The following PEX14 variants were observed in gnomAD, a reference collection of about 807,000 sequenced individuals.
PEX14 encodes the protein peroxisomal biogenesis factor 14.
In PEX14, 15 loss-of-function variants were observed where a neutral mutation model predicts 49.5. The ratio of observed to expected loss-of-function variants is 0.30; its 90% CI spans 0.20 to 0.47. PEX14 has a LOEUF of 0.47. Ranked by LOEUF, PEX14 falls within the 20% of genes least tolerant of loss-of-function variation. PEX14 has a pLI of 1.00. For missense variants in PEX14, 398 were observed against 494.8 expected (o/e 0.80, Z 1.86); for synonymous variants, 210 against 212.7 (o/e 0.99, Z 0.11).
At chr1:10,522,635 G>A (rs1473844894) in intron 2 of PEX14, among the ~76,000 whole-genome samples, 2 of 152,184 alleles carry the variant, frequency 1.3e-5, no homozygotes, top group Non-Finnish European at 2.9e-5. Context: ...GTACCGTGAG[G>A]ACCTGTGAAT....
intron 3 of PEX14, among the ~76,000 whole-genome samples, chr1:10,596,795 A>G (rs1054945434): frequency 6.6e-6 from 1 of 152,236 alleles, no homozygotes; most frequent in African/African-American, 2.4e-5. Flanking sequence ...GGATTCATTT[A>G]CTGTAACTAA....
chr1:10,562,396 C>G (rs1164386452), intron 3 of PEX14, among the ~76,000 whole-genome samples: 1 of 152,158 alleles, frequency 6.6e-6, no homozygotes, highest in East Asian at 1.9e-4. Context: ...ACCATCTAAT[C>G]CATGATCGTG....
intron 3 of PEX14, among the ~76,000 whole-genome samples, chr1:10,591,700 A>G (rs1640673498): frequency 6.7e-6 from 1 of 148,182 alleles, no homozygotes; most frequent in African/African-American, 2.5e-5. Flanking sequence ...CCCTTCACCT[A>G]GTTTTCCCCC....
Position 10,486,730 on chromosome 1 carries a change from C to G in PEX14, c.37-8544C>G, listed in dbSNP as rs1234508717. Among the ~76,000 whole-genome samples the G allele has an allele frequency of 3.3e-5, 5 of 151,298 alleles. No individual in the cohort carries two copies. The South Asian group carries it at 6.3e-4, about 19-fold the overall frequency. ...TGAGACAGACTCTTGCTCTGTCACC[C>G]AGGCTGGAGTGCAGTGGCGCGATCT... is the stretch of plus-strand genomic sequence containing the variant. On this transcript the variant is annotated intron_variant, in intron 1 of 8. Transcript: ENST00000356607.
intron 2 of PEX14, among the ~76,000 whole-genome samples, chr1:10,500,328 C>T (rs556782639): frequency 2.4e-5 from 3 of 127,642 alleles, no homozygotes; most frequent in East Asian, 2.6e-4. Flanking sequence ...GAACCGAGAT[C>T]GCGCTACTGC....
At chr1:10,620,298 A>G (rs963300131) in intron 5 of PEX14, among the ~76,000 whole-genome samples, 2 of 146,778 alleles carry the variant, frequency 1.4e-5, no homozygotes, top group Non-Finnish European at 3.0e-5. Flanking sequence ...AAACAATAAA[A>G]TAAAATAAAA....
intron 2 of PEX14, among the ~76,000 whole-genome samples, chr1:10,521,635 A>C (rs1195704305): frequency 6.6e-6 from 1 of 152,190 alleles, no homozygotes; most frequent in Non-Finnish European, 1.5e-5. Flanking sequence ...TTACTGAAGA[A>C]GTTGGTGACT....
chr1:10,573,428 G>C (rs1313734206), intron 3 of PEX14, among the ~76,000 whole-genome samples: 1 of 152,122 alleles, frequency 6.6e-6, no homozygotes, highest in Admixed American at 6.5e-5. Context: ...TTAAAAAAGG[G>C]TGTACAAAAG....
chr1:10,627,868 T>C (rs1641796585), intron 8 of PEX14, among the ~76,000 whole-genome samples: 1 of 152,262 alleles, frequency 6.6e-6, no homozygotes, highest in African/African-American at 2.4e-5. Context: ...TTGTCACCAA[T>C]GCAGCCTCAG....
At chr1:10,603,705 C>T (rs997904206) in intron 4 of PEX14, among the ~76,000 whole-genome samples, 6 of 152,136 alleles carry the variant, frequency 3.9e-5, no homozygotes, top group African/African-American at 1.2e-4. Flanking sequence ...TTGATTCACG[C>T]CAAGCTGATT....
chr1:10,521,466 C>T (rs1020506766), intron 2 of PEX14, among the ~76,000 whole-genome samples: 13 of 152,210 alleles, frequency 8.5e-5, no homozygotes, highest in African/African-American at 3.1e-4. Flanking sequence ...CAAGCCACAT[C>T]TACTCTACTT....
chr1:10,611,672 C>G (rs1159700576), intron 4 of PEX14, among the ~76,000 whole-genome samples: 1 of 152,146 alleles, frequency 6.6e-6, no homozygotes, highest in Admixed American at 6.5e-5. Context: ...TTGAGTTTAG[C>G]CATTCTAATG....
intron 7 of PEX14, 33 bp from the exon 8 acceptor site, chr1:10,627,239 C>T (rs1477316432): frequency 7.8e-6 from 12 of 1,532,658 alleles, no homozygotes; most frequent in Non-Finnish European, 1.1e-5. Context: ...CCGCAAGGCG[C>T]CCGCCCTGAG....
rs185221740 is a variant in PEX14, at chr1:10,495,416, T to C, written c.84+95T>C. 7.8e-6 allele frequency: 8 copies of C among 1,022,386 alleles called. No individual in the cohort carries two copies. The African/African-American group carries it at 7.9e-5, about 10-fold the overall frequency. The allele number at this position is 1,022,386 out of a possible 1,614,324, so 63.3% of individuals were successfully genotyped here. A position where few individuals can be genotyped will look rare whatever the true frequency, so the allele number is the denominator to read the frequency against. On this transcript the variant is annotated intron_variant, in intron 2 of 8. Coordinates refer to ENST00000356607, the MANE Select transcript of PEX14 (RefSeq NM_004565.3). The surrounding 1 kb of genome is among the most constrained non-coding windows in gnomAD (Gnocchi z 4.2). ...TGTTCCTATGGTTCTGCGTCAGTAGTGTCCCTTTAAAAGTAGCTGTTACCT... is the reference window on the plus strand; with the variant it reads ...TGTTCCTATGGTTCTGCGTCAGTAGCGTCCCTTTAAAAGTAGCTGTTACCT...
intron 8 of PEX14, 47 bp downstream of exon 8, chr1:10,627,410 A>T: frequency 7.5e-7 from 1 of 1,328,068 alleles, no homozygotes; most frequent in Non-Finnish European, 1.1e-6. Flanking sequence ...CCTGGAAAGG[A>T]GGACTGGGAG....
At chr1:10,624,291 C>T (rs1230938037) in intron 6 of PEX14, 49 bp from the exon 7 acceptor site, 9 of 1,206,414 alleles carry the variant, frequency 7.5e-6, no homozygotes, top group East Asian at 7.0e-5. Flanking sequence ...GCGAGGGGAA[C>T]GTCTGTGCCT....
In PEX14 at chr1:10,571,448, G is replaced by A. The variant is rs138673061; in HGVS notation, c.170-27790G>A. Among the ~76,000 whole-genome samples the A allele has an allele frequency of 4.2e-3, 640 of 152,236 alleles. 6 individuals are homozygous for A. The highest frequency in any genetic ancestry group is 0.015 in the African/African-American group (609 of 41,526). On this transcript the variant is annotated intron_variant, in intron 3 of 8. Transcript: ENST00000356607. ...CAGTTTTGCAAGATGAAGAGTTCTA[G>A]AGATGGATGGTGGTGATGGTTGGAA...
At chr1:10,504,085 C>T (rs1304620880) in intron 2 of PEX14, among the ~76,000 whole-genome samples, 5 of 152,172 alleles carry the variant, frequency 3.3e-5, no homozygotes, top group East Asian at 3.8e-4. Flanking sequence ...TGTCAAACCA[C>T]GCAGAATGAT....
At chr1:10,570,743 G>A (rs1639946453) in intron 3 of PEX14, among the ~76,000 whole-genome samples, 1 of 151,932 alleles carries the variant, frequency 6.6e-6, no homozygotes, top group Admixed American at 6.6e-5. Flanking sequence ...CTGTGGGCAT[G>A]AGTCCTTCCT....
Sources: allele counts gnomAD v4.1 joint callset (sites outside exome capture counted in the v4.1 genomes callset), GRCh38; gene constraint gnomAD v4.1.1; non-coding constraint Gnocchi (gnomAD v3.1); transcripts MANE v1.5; gene names NCBI Gene and HGNC (gene_info 2026-07-23, HGNC 2026-07-21).